Variants in DIP2C observed in about 807,000 individuals in gnomAD.
The protein encoded by DIP2C is DIP2 acetate--CoA ligase C (putative).
DIP2C carries 33 observed loss-of-function variants against 192.4 expected under a neutral mutation model. That is an observed-to-expected ratio of 0.17 (90% CI 0.13 to 0.23). The LOEUF is 0.23. Ranked by LOEUF, DIP2C falls within the 10% of genes least tolerant of loss-of-function variation. The pLI, the probability that DIP2C is intolerant of heterozygous loss-of-function variation, is 1.00. For synonymous variants in DIP2C, 979 were observed against 864.1 expected (o/e 1.13, Z -2.33); for missense variants, 1,537 against 2,110.1 (o/e 0.73, Z 5.32).
At chr10:383,754 A>G (rs1175698654) in intron 16 of DIP2C, among the ~76,000 whole-genome samples, 1 of 152,142 alleles carries the variant, frequency 6.6e-6, no homozygotes, top group Non-Finnish European at 1.5e-5. Flanking sequence ...CTACAGAATC[A>G]AGACATCCTC....
chr10:338,945 A>G (rs1958010628), intron 29 of DIP2C, among the ~76,000 whole-genome samples: 1 of 149,396 alleles, frequency 6.7e-6, no homozygotes, highest in African/African-American at 2.5e-5. Flanking sequence ...CCTGGCTCCC[A>G]CAATGCACCC....
At chr10:626,814 G>T (rs759213081) in intron 1 of DIP2C, among the ~76,000 whole-genome samples, 13 of 152,196 alleles carry the variant, frequency 8.5e-5, no homozygotes, top group Non-Finnish European at 1.3e-4. Flanking sequence ...CGTCAGGCAG[G>T]ATGAAAACAT....
At chr10:449,491 A>G (rs921879211) in intron 3 of DIP2C, among the ~76,000 whole-genome samples, 4 of 152,062 alleles carry the variant, frequency 2.6e-5, no homozygotes, top group South Asian at 2.1e-4. Context: ...TAATTTATCA[A>G]GAGTCCTGAA....
Position 363,555 on chromosome 10 carries a change from G to T in DIP2C, c.2478-244C>A, listed in dbSNP as rs546341237. On this transcript the variant is annotated intron_variant, in intron 20 of 36. Transcript: ENST00000280886. The surrounding 1 kb of genome is among the most constrained non-coding windows in gnomAD (Gnocchi z 5.4). ...CACGGAGGCCACACACAGCACCCGC[G>T]GGCTCTGGTGACCAGGTTGCGCCTT... is the stretch of plus-strand genomic sequence containing the variant. Among the ~76,000 whole-genome samples the T allele has an allele frequency of 6.6e-6, 1 of 152,196 alleles. No individual in the cohort carries two copies. Among genetic ancestry groups the T allele is most frequent in the African/African-American group, 2.4e-5 (1 of 41,442 alleles).
chr10:552,904 T>A (rs1257582482), intron 1 of DIP2C, among the ~76,000 whole-genome samples: 1 of 152,038 alleles, frequency 6.6e-6, no homozygotes, highest in Non-Finnish European at 1.5e-5. Flanking sequence ...CTCCACGGAG[T>A]GGACAGAGCT....
At chr10:633,095 G>C (rs370172631) in intron 1 of DIP2C, among the ~76,000 whole-genome samples, 1 of 152,384 alleles carries the variant, frequency 6.6e-6, no homozygotes, top group East Asian at 1.9e-4. Flanking sequence ...ATGAGGACGA[G>C]ATCCTTCTAC....
chr10:345,084 C>T lies in DIP2C; in HGVS notation c.3258G>A (p.Thr1086=), dbSNP rs772430547. 11 of 1,613,064 alleles carry T rather than the reference C, an allele frequency of 6.8e-6. No individual in the cohort carries two copies. The highest frequency in any genetic ancestry group is 4.4e-5 in the South Asian group (4 of 90,908). Residue 1086 remains threonine (T), a synonymous_variant, in exon 27 of 37, where the codon ACG becomes ACA. Coordinates refer to ENST00000280886, the MANE Select transcript of DIP2C (RefSeq NM_014974.3). The part of the protein sequence containing the change: ...VEVSRSACLM[T]TQLICKLLRS... ...GCAGCAACTTACAGATCAGCTGTGT[C>T]GTCATCAGACAGGCAGAGCGACTCA...
chr10:498,078 C>T (rs1844971562), intron 1 of DIP2C, among the ~76,000 whole-genome samples: 1 of 152,154 alleles, frequency 6.6e-6, no homozygotes, highest in South Asian at 2.1e-4. Context: ...GCTGTGTTGC[C>T]CAGGCTGGCC....
At chr10:678,916 A>ATCTC (rs1177962120) in intron 1 of DIP2C, among the ~76,000 whole-genome samples, 2 of 910 alleles carry the variant, frequency 2.2e-3, no homozygotes, top group African/African-American at 2.9e-3. Flanking sequence ...CCCCGCGCCC[A>ATCTC]TGCTCCCCGC....
rs376451290 is a variant in DIP2C at position 329,908 on chromosome 10, T to C, written c.3585-307A>G. On this transcript the variant is annotated intron_variant, in intron 29 of 36. Transcript: ENST00000280886. The stretch of plus-strand genomic sequence containing the variant: ...AGACCTGCGACATCAGCAAACTGGA[T>C]CCTCTTTCTTAGTAGAAAACACAGG... Among the ~76,000 whole-genome samples, 13 of 152,214 alleles carry C rather than the reference T, an allele frequency of 8.5e-5. No individual in the cohort carries two copies. The East Asian group carries it at 1.7e-3, about 20-fold the overall frequency.
intron 1 of DIP2C, among the ~76,000 whole-genome samples, chr10:608,081 C>G (rs1852632496): frequency 6.6e-6 from 1 of 150,508 alleles, no homozygotes; most frequent in Non-Finnish European, 1.5e-5. Context: ...TTTGATCTAC[C>G]TCCCTCTCAT....
intron 29 of DIP2C, among the ~76,000 whole-genome samples, chr10:331,480 T>C (rs949250618): frequency 6.6e-6 from 1 of 152,222 alleles, no homozygotes; most frequent in Non-Finnish European, 1.5e-5. Flanking sequence ...GAATCAAAGA[T>C]ATTCATGAAA....
intron 3 of DIP2C, among the ~76,000 whole-genome samples, chr10:452,236 C>A (rs950354872): frequency 7.2e-5 from 11 of 152,178 alleles, no homozygotes; most frequent in Non-Finnish European, 1.2e-4. Context: ...GGCACAGTGA[C>A]ACTTCAAAAC....
intron 16 of DIP2C, among the ~76,000 whole-genome samples, 199 bp downstream of exon 16, chr10:383,828 C>T (rs1049664332): frequency 4.0e-5 from 6 of 151,874 alleles, no homozygotes; most frequent in African/African-American, 9.7e-5. Flanking sequence ...CCTCTTGGCC[C>T]GAGTGAGTGA....
At chr10:624,125 T>G (rs1343339352) in intron 1 of DIP2C, among the ~76,000 whole-genome samples, 2 of 152,164 alleles carry the variant, frequency 1.3e-5, no homozygotes, top group African/African-American at 4.8e-5. Context: ...GCGCAGCCCC[T>G]GACCAGAGAA....
intron 4 of DIP2C, among the ~76,000 whole-genome samples, chr10:427,593 C>CAGAT (rs1422947782): frequency 6.6e-6 from 1 of 151,878 alleles, no homozygotes; most frequent in Admixed American, 6.6e-5. Context: ...AAAATCTGGA[C>CAGAT]ATTTTACCAA....
At chr10:606,924 C>G (rs1293326325) in intron 1 of DIP2C, among the ~76,000 whole-genome samples, 1 of 152,056 alleles carries the variant, frequency 6.6e-6, no homozygotes, top group South Asian at 2.1e-4. Flanking sequence ...TGAATAGGGG[C>G]CTTCCAAGCA....
At chr10:486,850 C>T (rs1409301104) in intron 1 of DIP2C, among the ~76,000 whole-genome samples, 1 of 152,220 alleles carries the variant, frequency 6.6e-6, no homozygotes, top group Non-Finnish European at 1.5e-5. Context: ...AGCCTGGTGG[C>T]CGGGGCTCTC....
At chr10:400,839 C>T (rs1964370695) in intron 9 of DIP2C, among the ~76,000 whole-genome samples, 1 of 150,114 alleles carries the variant, frequency 6.7e-6, no homozygotes. Context: ...TGTTCCTCAC[C>T]ACATGAATCC....
Sources: gnomAD v4.1 joint callset for allele counts (sites outside exome capture counted in the v4.1 genomes callset) on GRCh38, gnomAD v4.1.1 for gene constraint, Gnocchi (gnomAD v3.1) non-coding constraint, MANE v1.5 for transcripts, NCBI Gene and HGNC (gene_info 2026-07-23, HGNC 2026-07-21) for gene names.